TNS1: variants seen among roughly 807,000 people sequenced by gnomAD.
TNS1 encodes the protein tensin-1.
In TNS1, 62 loss-of-function variants were observed where a neutral mutation model predicts 168.6. That is an observed-to-expected ratio of 0.37 (90% CI 0.30 to 0.45). The LOEUF (loss-of-function observed/expected upper bound fraction) is 0.45, where lower values mean the gene tolerates loss of function less well. Ranked by LOEUF, TNS1 falls within the 20% of genes least tolerant of loss-of-function variation. The pLI is 1.00. For missense variants in TNS1, 2,240 were observed against 2,339.4 expected, an observed-to-expected ratio of 0.96 and a Z score of 0.88; for synonymous variants, 934 against 933.2, an observed-to-expected ratio of 1.00 and a Z score of -0.02.
At chr2:217,924,934 TG>T (rs1235623457) in intron 3 of TNS1, among the ~76,000 whole-genome samples, 2 of 152,194 alleles carry the variant, frequency 1.3e-5, no homozygotes, top group East Asian at 3.9e-4. Flanking sequence ...TGTCTCATCA[TG>T]GTATTTCAGG....
chr2:217,935,627 A>G (rs1956566039), intron 3 of TNS1, among the ~76,000 whole-genome samples: 1 of 152,086 alleles, frequency 6.6e-6, no homozygotes, highest in African/African-American at 2.4e-5. Context: ...AGCCTCATCT[A>G]TCTCTTGTGC....
In TNS1 at chr2:217,818,541, C is replaced by T. The variant is rs1942302832; in HGVS notation, c.3791G>A (p.Ser1264Asn). Residue 1264 changes from serine (S) to asparagine (N), a missense_variant, in exon 24 of 33, where the codon AGC becomes AAC. By Grantham distance (46) the Ser-to-Asn change is conservative. Coordinates refer to ENST00000682258, the MANE Select transcript of TNS1 (RefSeq NM_001387777.1). ...CACACTGAACTGAGCTCGAGCCTGG[C>T]TTTCCGGAGAGGAGCTGAAATGCTG... ...SLQHFSSSPE[S>N]QARAQFSVAG... 1.2e-6 allele frequency: 2 copies of T among 1,614,256 alleles called. No homozygotes were observed. Among genetic ancestry groups the T allele is most frequent in the Non-Finnish European group, 1.7e-6 (2 of 1,180,048 alleles).
At chr2:218,009,875 AG>A (rs1958690308) in intron 1 of TNS1, among the ~76,000 whole-genome samples, 1 of 151,912 alleles carries the variant, frequency 6.6e-6, no homozygotes, top group Non-Finnish European at 1.5e-5. Context: ...GCGCTGGGGG[AG>A]GGGCAGCAAC....
At chr2:217,816,869 A>C (rs1456251154) in intron 24 of TNS1, among the ~76,000 whole-genome samples, 1 of 152,118 alleles carries the variant, frequency 6.6e-6, no homozygotes, top group Non-Finnish European at 1.5e-5. Context: ...GGCCCATCTG[A>C]GGCTGCCCAA....
At chr2:217,968,708 T>C (rs1212027639) in intron 3 of TNS1, among the ~76,000 whole-genome samples, 2 of 152,216 alleles carry the variant, frequency 1.3e-5, no homozygotes, top group African/African-American at 2.4e-5. Flanking sequence ...TTTTGTTTCC[T>C]GTTTTGATCA....
chr2:217,909,253 T>C (rs1954074151), intron 4 of TNS1, among the ~76,000 whole-genome samples: 1 of 151,996 alleles, frequency 6.6e-6, no homozygotes. Flanking sequence ...TGGTCTCCTG[T>C]GGGAAGGAAG....
intron 23 of TNS1, among the ~76,000 whole-genome samples, chr2:217,819,101 G>A (rs1047491700): frequency 6.6e-6 from 1 of 152,212 alleles, no homozygotes; most frequent in South Asian, 2.1e-4. Flanking sequence ...GAAACTGGAG[G>A]TGGCTGTCAT....
chr2:217,915,108 C>T (rs1375388507), intron 4 of TNS1, among the ~76,000 whole-genome samples: 1 of 152,200 alleles, frequency 6.6e-6, no homozygotes, highest in Non-Finnish European at 1.5e-5. Context: ...CCAAGGATGG[C>T]CACCCATGGC....
At chr2:217,826,642 T>C (rs147556187) in intron 22 of TNS1, among the ~76,000 whole-genome samples, 2,020 of 152,264 alleles carry the variant, frequency 0.013, 65 homozygotes, top group African/African-American at 0.046. Flanking sequence ...CTTCCTCCAC[T>C]CCTCACTCGC....
rs1255720507 is a variant in TNS1 at position 217,808,110 on chromosome 2, G to A, written c.5343-3C>T. On this transcript the variant is annotated splice_region_variant and splice_polypyrimidine_tract_variant and intron_variant, in intron 31 of 32. Transcript: ENST00000682258. ...CACCACCCTCTGTTTTCATCCACCT[G>A]TGGAGAGAAAGTGGGCTCAGGGTAA... 2 of 1,612,948 alleles carry A rather than the reference G, an allele frequency of 1.2e-6. No homozygotes were observed. The highest frequency in any genetic ancestry group is 1.7e-6 in the Non-Finnish European group (2 of 1,179,954).
intron 3 of TNS1, among the ~76,000 whole-genome samples, chr2:217,952,778 C>T (rs71415818): frequency 1.4e-4 from 22 of 152,308 alleles, no homozygotes; most frequent in Non-Finnish European, 2.1e-4. Context: ...ATCCTGGTCT[C>T]ATGGATGCGA....
At chr2:217,827,622 G>A (rs1249672873) in intron 22 of TNS1, among the ~76,000 whole-genome samples, 1 of 152,184 alleles carries the variant, frequency 6.6e-6, no homozygotes, top group Non-Finnish European at 1.5e-5. Flanking sequence ...GAAGAGACAG[G>A]AGACCAATAA....
chr2:217,938,643 C>T (rs1450888420), intron 3 of TNS1, among the ~76,000 whole-genome samples: 1 of 152,224 alleles, frequency 6.6e-6, no homozygotes, highest in East Asian at 1.9e-4. Context: ...GGCAGGCTTC[C>T]TGGAGGCCAG....
rs918604716 is a variant in TNS1, at chr2:217,995,427, T to A, written c.34-4371A>T. On this transcript the variant is annotated intron_variant, in intron 1 of 32. Coordinates refer to ENST00000682258, the MANE Select transcript of TNS1 (RefSeq NM_001387777.1). The surrounding 1 kb of genome is among the most constrained non-coding windows in gnomAD (Gnocchi z 4.1). ...AGGGGGCAGGCACTGCAAGAAGGCA[T>A]AATGAGACTCAGTGGGGAAAAAAAA... Among the ~76,000 whole-genome samples the A allele has an allele frequency of 1.3e-5, 2 of 151,912 alleles. No individual in the cohort carries two copies. Among genetic ancestry groups the A allele is most frequent in the South Asian group, 4.2e-4 (2 of 4,806 alleles).
At chr2:218,031,852 G>A (rs975511296) in intron 1 of TNS1, among the ~76,000 whole-genome samples, 4 of 152,184 alleles carry the variant, frequency 2.6e-5, no homozygotes, top group Admixed American at 1.3e-4. Flanking sequence ...GTAGTTCTCC[G>A]GGCTGAAAGA....
chr2:218,002,985 C>G lies in TNS1; in HGVS notation c.-113G>C. 2.2e-6 allele frequency: 1 copy of G among 453,450 alleles called. No homozygotes were observed. The highest frequency in any genetic ancestry group is 1.6e-5 in the South Asian group (1 of 64,364). The allele number at this position is 453,450 out of a possible 1,614,324, so 28.1% of individuals were successfully genotyped here. The stretch of plus-strand genomic sequence containing the variant: ...TCTGAGTCCGCGGCTGCTCCGGCTC[C>G]GCCAGCATCTGCTGGGCCTCTCGCC... On this transcript the variant is annotated 5_prime_UTR_variant, in exon 1 of 33. Transcript: ENST00000682258.
intron 3 of TNS1, among the ~76,000 whole-genome samples, chr2:217,951,313 T>A (rs1371851422): frequency 4.6e-5 from 7 of 152,150 alleles, no homozygotes; most frequent in African/African-American, 1.4e-4. Flanking sequence ...ACCACCCCCA[T>A]CCCAGAATTA....
intron 18 of TNS1, chr2:217,849,567 T>C: frequency 4.7e-6 from 4 of 844,562 alleles, no homozygotes; most frequent in Non-Finnish European, 5.7e-6. Flanking sequence ...TGATGGGAGT[T>C]CAACAGCTGG....
intron 3 of TNS1, among the ~76,000 whole-genome samples, chr2:217,939,631 C>A (rs551586970): frequency 6.6e-6 from 1 of 152,342 alleles, no homozygotes; most frequent in South Asian, 2.1e-4. Context: ...TTCCCCCCAG[C>A]CATTCCTGTG....
Sources: allele counts gnomAD v4.1 joint callset (sites outside exome capture counted in the v4.1 genomes callset), GRCh38; gene constraint gnomAD v4.1.1; non-coding constraint Gnocchi (gnomAD v3.1); transcripts MANE v1.5; gene names NCBI Gene and HGNC (gene_info 2026-07-23, HGNC 2026-07-21).